TRIM33: variants seen among roughly 807,000 people sequenced by gnomAD.
The protein encoded by TRIM33 is tripartite motif containing 33.
In TRIM33, 20 loss-of-function variants were observed where a neutral mutation model predicts 125.4. The ratio of observed to expected loss-of-function variants is 0.16; its 90% confidence interval spans 0.11 to 0.23. The LOEUF (loss-of-function observed/expected upper bound fraction) is 0.23, where lower values mean the gene tolerates loss of function less well. TRIM33 is among the 10% of genes least tolerant of loss of function. TRIM33 has a pLI of 1.00. For synonymous variants in TRIM33, 564 were observed against 513.9 expected (o/e 1.10, Z -1.32); for missense variants, 920 against 1,411.4 (o/e 0.65, Z 5.58).
At chr1:114,425,846 G>T in intron 8 of TRIM33, 123 bp from the exon 9 acceptor site, 1 of 653,088 alleles carries the variant, frequency 1.5e-6, no homozygotes, top group Non-Finnish European at 2.6e-6. Context: ...CAACAGTACA[G>T]CAGGGAATGG....
intron 1 of TRIM33, chr1:114,469,340 G>C (rs1650498255): frequency 6.2e-6 from 1 of 160,236 alleles, no homozygotes; most frequent in African/African-American, 2.4e-5. Context: ...GGACAGGTTT[G>C]TCATCAGAAT....
intron 1 of TRIM33, among the ~76,000 whole-genome samples, chr1:114,496,004 C>G (rs1652347145): frequency 6.6e-6 from 1 of 152,170 alleles, no homozygotes; most frequent in Non-Finnish European, 1.5e-5. Flanking sequence ...TGCCTCACAA[C>G]AAATGAAGGT....
intron 5 of TRIM33, among the ~76,000 whole-genome samples, chr1:114,431,245 G>C (rs1307945292): frequency 2.0e-5 from 3 of 152,220 alleles, no homozygotes; most frequent in Admixed American, 6.5e-5. Flanking sequence ...TGGCACATTG[G>C]TTCTGTTTAA....
rs142843084 is a variant in TRIM33, at chr1:114,440,727, G to A, written c.924-6994C>T. On this transcript the variant is annotated intron_variant, in intron 4 of 19. Coordinates refer to ENST00000358465, the MANE Select transcript of TRIM33 (RefSeq NM_015906.4). ...GTGAACTGAGATTGTTCAGAGAAAA[G>A]TGTCTCCCTGTTTTGCATTTTCAAT... Among the ~76,000 whole-genome samples, 529 of 152,044 alleles carry A rather than the reference G, an allele frequency of 3.5e-3. 1 individual carries two copies. Among genetic ancestry groups the A allele is most frequent in the African/African-American group, 0.012 (483 of 41,422 alleles).
chr1:114,423,768 C>T (rs899703134), intron 10 of TRIM33, among the ~76,000 whole-genome samples: 7 of 152,014 alleles, frequency 4.6e-5, no homozygotes, highest in Non-Finnish European at 7.4e-5. Flanking sequence ...GACCACTGTT[C>T]TAGGACAGTG....
chr1:114,397,645 A>C lies in TRIM33; in HGVS notation c.*3T>G, dbSNP rs1346774948. Reference sequence around the variant, plus strand: ...TAAACAATTGATTTAAATCCATGTCATTTTACTTTATATGTACTGGTCTCT... The same window carrying C: ...TAAACAATTGATTTAAATCCATGTCCTTTTACTTTATATGTACTGGTCTCT... On this transcript the variant is annotated 3_prime_UTR_variant, in exon 20 of 20. Coordinates refer to ENST00000358465, the MANE Select transcript of TRIM33 (RefSeq NM_015906.4). The C allele has an allele frequency of 5.2e-6, 7 of 1,351,680 alleles. No individual in the cohort carries two copies. The highest frequency in any genetic ancestry group is 4.9e-6 in the Non-Finnish European group (5 of 1,021,826). 83.7% of individuals were successfully genotyped at this position (1,351,680 alleles called of 1,614,324 possible).
chr1:114,483,479 T>A (rs1010870873), intron 1 of TRIM33, among the ~76,000 whole-genome samples: 1 of 151,616 alleles, frequency 6.6e-6, no homozygotes, highest in South Asian at 2.1e-4. Flanking sequence ...TGCAGTGGCA[T>A]GATCTCACTG....
chr1:114,427,699 T>C (rs1326164535), intron 7 of TRIM33, 49 bp downstream of exon 7: 1 of 1,569,528 alleles, frequency 6.4e-7, no homozygotes, highest in South Asian at 1.2e-5. Flanking sequence ...ACTGAATATA[T>C]ATCTTAATAA....
intron 10 of TRIM33, among the ~76,000 whole-genome samples, chr1:114,422,322 G>A (rs1335520525): frequency 6.6e-6 from 1 of 152,152 alleles, no homozygotes; most frequent in Non-Finnish European, 1.5e-5. Context: ...TAAGGAAAAT[G>A]TTCTGAGATG....
At chr1:114,506,113 G>A (rs150257468) in intron 1 of TRIM33, among the ~76,000 whole-genome samples, 116 of 152,178 alleles carry the variant, frequency 7.6e-4, no homozygotes, top group African/African-American at 2.7e-3. Context: ...GCCAGGTGGT[G>A]CCTCACGCCT....
chr1:114,399,514 C>T lies in TRIM33; in HGVS notation c.3063G>A (p.Pro1021=), dbSNP rs769327892. The stretch of plus-strand genomic sequence containing the variant: ...AACGGACATCGGCCACAAAGTCATC[C>T]GGGATTTGGTAGTGTTGGGAATGTT... ...QKKHSQHYQI[P]DDFVADVRLI... is the part of the protein sequence containing the mutation. Residue 1021 remains proline (P), a synonymous_variant, in exon 18 of 20, where the codon CCG becomes CCA. Transcript: ENST00000358465. 227 of 1,613,376 alleles carry T rather than the reference C, an allele frequency of 1.4e-4. No homozygotes were observed. Among genetic ancestry groups the T allele is most frequent in the Non-Finnish European group, 1.7e-4 (205 of 1,179,752 alleles).
intron 5 of TRIM33, among the ~76,000 whole-genome samples, 200 bp from the exon 6 acceptor site, chr1:114,431,112 T>A (rs777548336): frequency 7.2e-5 from 11 of 152,244 alleles, no homozygotes; most frequent in Non-Finnish European, 1.3e-4. Flanking sequence ...ATGAAACTAA[T>A]ATTTAGTAAT....
At chr1:114,419,186 G>C (rs1653117211) in intron 11 of TRIM33, among the ~76,000 whole-genome samples, 1 of 121,692 alleles carries the variant, frequency 8.2e-6, no homozygotes, top group African/African-American at 3.3e-5. Context: ...GGGCAACAGA[G>C]CTAGACACCA....
Position 114,397,595 on chromosome 1 carries a change from T to TG in TRIM33, c.*52_*53insC, listed in dbSNP as rs1651612851. 15 of 1,128,932 alleles carry TG rather than the reference T, an allele frequency of 1.3e-5. No individual in the cohort carries two copies. Among genetic ancestry groups the TG allele is most frequent in the East Asian group, 1.3e-4 (5 of 38,250 alleles). The allele number at this position is 1,128,932 out of a possible 1,614,324, so 69.9% of individuals were successfully genotyped here. On this transcript the variant is annotated 3_prime_UTR_variant, in exon 20 of 20. Transcript: ENST00000358465. ...AGTTTTCTGGGTTTTTTGTGTTTTT[T>TG]TTTTTTTTTTCGTTTTTTTTTTTTT...
intron 1 of TRIM33, among the ~76,000 whole-genome samples, chr1:114,497,457 C>T (rs1652439564): frequency 6.6e-6 from 1 of 152,102 alleles, no homozygotes; most frequent in Admixed American, 6.5e-5. Context: ...TCACCACACC[C>T]AGCGAATTTT....
chr1:114,471,042 T>C (rs1477941566), intron 1 of TRIM33, among the ~76,000 whole-genome samples: 1 of 152,164 alleles, frequency 6.6e-6, no homozygotes, highest in Non-Finnish European at 1.5e-5. Context: ...CAAGCAATCC[T>C]CCCGCATAGG....
At chr1:114,463,581 CTAAAT>C (rs766465925) in intron 2 of TRIM33, 25 bp from the exon 3 acceptor site, 34 of 1,410,296 alleles carry the variant, frequency 2.4e-5, no homozygotes, top group Middle Eastern at 1.8e-4. Flanking sequence ...AAGCACTAAT[CTAAAT>C]TAAATACATA....
chr1:114,397,901 A>G (rs746772540), intron 19 of TRIM33, 39 bp downstream of exon 19: 2 of 1,613,918 alleles, frequency 1.2e-6, no homozygotes, highest in East Asian at 4.5e-5. Flanking sequence ...TTGGTAATGC[A>G]TATTCCTTCA....
chr1:114,511,178 G>A lies in TRIM33; in HGVS notation c.-102C>T, dbSNP rs1169360449. The A allele has an allele frequency of 2.9e-5, 29 of 1,015,490 alleles. No homozygotes were observed. The highest frequency in any genetic ancestry group is 5.5e-5 in the Admixed American group (1 of 18,240). 62.9% of individuals were successfully genotyped at this position (1,015,490 alleles called of 1,614,324 possible). A position where few individuals can be genotyped will look rare whatever the true frequency, so the allele number is the denominator to read the frequency against. ...AGCCGCAGCCGCAGCAAGAGCGGCA[G>A]CCGAGAGCTAGCGAGAGAGCGAACC... On this transcript the variant is annotated 5_prime_UTR_variant, in exon 1 of 20. Coordinates refer to ENST00000358465, the MANE Select transcript of TRIM33 (RefSeq NM_015906.4).
Sources: allele counts gnomAD v4.1 joint callset (sites outside exome capture counted in the v4.1 genomes callset), GRCh38; gene constraint gnomAD v4.1.1; transcripts MANE v1.5; gene names NCBI Gene and HGNC (gene_info 2026-07-23, HGNC 2026-07-21).